TMBIM6: variants seen among roughly 807,000 people sequenced by gnomAD.
The protein encoded by TMBIM6 is transmembrane BAX inhibitor motif containing 6.
A neutral mutation model predicts 31.4 loss-of-function variants in TMBIM6; 13 were observed. The observed-to-expected ratio is 0.41, with a 90% CI of 0.27 to 0.66. TMBIM6 has a LOEUF of 0.66. TMBIM6 is among the 30% of genes least tolerant of loss of function. The pLI, the probability that TMBIM6 is intolerant of heterozygous loss-of-function variation, is 0.28. For missense variants in TMBIM6, 275 were observed against 289.5 expected (o/e 0.95, Z 0.36); for synonymous variants, 85 against 101.7 (o/e 0.84, Z 0.99).
At chr12:49,742,329 C>T (rs1592718049) in intron 1 of TMBIM6, 1 of 1,521,780 alleles carries the variant, frequency 6.6e-7, no homozygotes, top group Non-Finnish European at 8.8e-7. Flanking sequence ...GGGCGTCTTT[C>T]TAAGTCTGCT....
At chr12:49,747,598 T>C (rs887958874) in intron 1 of TMBIM6, among the ~76,000 whole-genome samples, 1 of 152,198 alleles carries the variant, frequency 6.6e-6, no homozygotes, top group African/African-American at 2.4e-5. Context: ...TGTGAGACAT[T>C]GTGCATGGCC....
At chr12:49,742,316 T>TGTGGGCGTCTTTCTAAGTCTGCTCAGC in intron 1 of TMBIM6, 1 of 1,534,388 alleles carries the variant, frequency 6.5e-7, no homozygotes, top group Non-Finnish European at 8.7e-7. Context: ...CTTGAGGTTT[T>TGTGGGCGTCTTTCTAAGTCTGCTCAGC]GTGGGCGTCT....
chr12:49,750,633 G>GC (rs956096791), intron 1 of TMBIM6: 61 of 152,308 alleles, frequency 4.0e-4, no homozygotes, highest in African/African-American at 1.3e-3. Context: ...AGAGGAGAGA[G>GC]CAACAACCTT....
At chr12:49,758,646 G>A (rs1228157171) in intron 6 of TMBIM6, 37 bp from the exon 7 acceptor site, 6 of 1,609,074 alleles carry the variant, frequency 3.7e-6, no homozygotes, top group Non-Finnish European at 1.7e-6. Flanking sequence ...ACTTTGCCTT[G>A]GCTTCTCTCA....
chr12:49,760,600 C>T (rs1299235086), intron 8 of TMBIM6, among the ~76,000 whole-genome samples: 2 of 127,734 alleles, frequency 1.6e-5, no homozygotes. Flanking sequence ...GCGGTGGCAA[C>T]ATCTCAGCTC....
At chr12:49,756,297 G>A (rs1391567019) in intron 4 of TMBIM6, among the ~76,000 whole-genome samples, 7 of 150,434 alleles carry the variant, frequency 4.7e-5, no homozygotes, top group Non-Finnish European at 1.0e-4. Flanking sequence ...CACCATGCCC[G>A]GCTAATTTTT....
At chr12:49,753,324 C>G (rs550684240) in intron 3 of TMBIM6, among the ~76,000 whole-genome samples, 1 of 152,308 alleles carries the variant, frequency 6.6e-6, no homozygotes, top group South Asian at 2.1e-4. Flanking sequence ...TGCTGACGTA[C>G]AAGACCCCCA....
chr12:49,750,368 T>TG (rs1264421760), intron 1 of TMBIM6, among the ~76,000 whole-genome samples: 1 of 152,242 alleles, frequency 6.6e-6, no homozygotes, highest in Non-Finnish European at 1.5e-5. Context: ...GCATTGCTGT[T>TG]GTGAATACTG....
intron 4 of TMBIM6, 48 bp from the exon 5 acceptor site, chr12:49,758,179 A>T (rs764411754): frequency 1.2e-6 from 2 of 1,609,424 alleles, no homozygotes; most frequent in Non-Finnish European, 1.7e-6. Flanking sequence ...TGAGGATCCT[A>T]TTCAAGAATT....
At chr12:49,756,720 C>CA (rs1183321039) in intron 4 of TMBIM6, among the ~76,000 whole-genome samples, 6 of 143,370 alleles carry the variant, frequency 4.2e-5, no homozygotes, top group Admixed American at 1.4e-4. Context: ...CCACCACACC[C>CA]AGCGCTTTTT....
At chr12:49,757,697 TA>T (rs1181946567) in intron 4 of TMBIM6, among the ~76,000 whole-genome samples, 1 of 152,212 alleles carries the variant, frequency 6.6e-6, no homozygotes, top group African/African-American at 2.4e-5. Flanking sequence ...GGGGTGGAAT[TA>T]TCAGAAGGAA....
At chr12:49,762,335 T>C (rs1945735778) in intron 9 of TMBIM6, among the ~76,000 whole-genome samples, 2 of 152,310 alleles carry the variant, frequency 1.3e-5, no homozygotes, top group South Asian at 4.1e-4. Context: ...GACTGAGCAC[T>C]AGGCAGATGT....
Position 49,755,754 on chromosome 12 carries a change from AGGT to A in TMBIM6, c.286_286+2del. The A allele has an allele frequency of 6.2e-7, 1 of 1,613,464 alleles. No individual in the cohort carries two copies. Among genetic ancestry groups the A allele is most frequent in the Non-Finnish European group, 8.5e-7 (1 of 1,179,728 alleles). ...TTCTTGCTGGATTTGCATTCCTTAC[AGGT>A]ACGTTAAGGGATTTGTCTAATTTTG... On this transcript the variant is annotated splice_donor_variant and coding_sequence_variant, in exon 4 of 10. Coordinates refer to ENST00000267115, the MANE Select transcript of TMBIM6 (RefSeq NM_003217.3). LOFTEE classifies it high-confidence loss of function.
chr12:49,760,724 C>T (rs954481952), intron 8 of TMBIM6, among the ~76,000 whole-genome samples: 3 of 151,734 alleles, frequency 2.0e-5, no homozygotes, highest in East Asian at 1.9e-4. Flanking sequence ...TTTAGTAGAA[C>T]GAGGTTTTGC....
intron 3 of TMBIM6, 41 bp downstream of exon 3, chr12:49,753,122 A>G (rs751541092): frequency 1.3e-6 from 2 of 1,570,170 alleles, no homozygotes; most frequent in Middle Eastern, 1.7e-4. Flanking sequence ...GGTACAAATT[A>G]CATTAGGAAA....
rs561307376 is a variant in TMBIM6 at position 49,761,478 on chromosome 12, T to G, written c.615-226T>G. ...CCTCAGCCTCCCAAAATGTTGGGAT[T>G]ACAGGCATGAGCCACTGTGCCTGGC... On this transcript the variant is annotated intron_variant, in intron 8 of 9. Coordinates refer to ENST00000267115, the MANE Select transcript of TMBIM6 (RefSeq NM_003217.3). 2.0e-5 allele frequency among the ~76,000 whole-genome samples: 3 copies of G among 152,384 alleles called. No homozygotes were observed. The East Asian group carries it at 5.8e-4, about 29-fold the overall frequency.
At chr12:49,744,682 T>A (rs56737983) in intron 1 of TMBIM6, 1 of 152,118 alleles carries the variant, frequency 6.6e-6, no homozygotes, top group African/African-American at 2.4e-5. Flanking sequence ...AGATGCAAGC[T>A]CTGCCCTCAG....
Position 49,753,924 on chromosome 12 carries a change from C to CTTT in TMBIM6, c.165+857_165+859dup, listed in dbSNP as rs201872079. ...AACCCCAAAATCAATACTCATGGCA[C>CTTT]TTTTTTTTTTTTTTTTGAGACAGAG... On this transcript the variant is annotated intron_variant, in intron 3 of 9. Transcript: ENST00000267115. 2.3e-4 allele frequency among the ~76,000 whole-genome samples: 32 copies of CTTT among 138,350 alleles called. 1 individual carries two copies. Among genetic ancestry groups the CTTT allele is most frequent in the African/African-American group, 7.4e-4 (28 of 37,658 alleles). 90.8% of individuals were successfully genotyped at this position (138,350 alleles called of 152,430 possible). A position where few individuals can be genotyped will look rare whatever the true frequency, so the allele number is the denominator to read the frequency against.
intron 4 of TMBIM6, among the ~76,000 whole-genome samples, chr12:49,756,663 G>A (rs1051247173): frequency 1.3e-5 from 2 of 151,656 alleles, no homozygotes; most frequent in Non-Finnish European, 2.9e-5. Flanking sequence ...CTGACCTCGT[G>A]ATCTGCTCGC....
Sources: allele counts gnomAD v4.1 joint callset (sites outside exome capture counted in the v4.1 genomes callset), GRCh38; gene constraint gnomAD v4.1.1; transcripts MANE v1.5; gene names NCBI Gene and HGNC (gene_info 2026-07-23, HGNC 2026-07-21).